The following TBC1D22A variants were observed in gnomAD, a reference collection of about 807,000 sequenced individuals.
TBC1D22A encodes TBC1 domain family member 22A, also known as putative GTPase activator.
In TBC1D22A, 38 loss-of-function variants were observed where a neutral mutation model predicts 60.2. The observed-to-expected ratio is 0.63, with a 90% confidence interval of 0.49 to 0.83. The LOEUF is 0.83. Ranked by LOEUF, TBC1D22A falls within the 40% of genes least tolerant of loss-of-function variation. The pLI, the probability that TBC1D22A is intolerant of heterozygous loss-of-function variation, is 0.00. For synonymous variants in TBC1D22A, 302 were observed against 281.7 expected, an observed-to-expected ratio of 1.07 and a Z score of -0.72; for missense variants, 628 against 701.0, an observed-to-expected ratio of 0.90 and a Z score of 1.18.
chr22:46,826,088 A>C (rs1401942972), intron 4 of TBC1D22A, among the ~76,000 whole-genome samples: 1 of 151,992 alleles, frequency 6.6e-6, no homozygotes, highest in Non-Finnish European at 1.5e-5. Flanking sequence ...TCACCGTGTT[A>C]GCCATGATGG....
chr22:46,905,335 T>G (rs1335320253), intron 7 of TBC1D22A, among the ~76,000 whole-genome samples: 1 of 152,180 alleles, frequency 6.6e-6, no homozygotes, highest in Non-Finnish European at 1.5e-5. Context: ...GAGGCCTCTG[T>G]CCTTTCTGAT....
In TBC1D22A at chr22:46,878,734, C is replaced by T. The variant is rs752210448; in HGVS notation, c.708+11C>T. The T allele has an allele frequency of 1.4e-5, 22 of 1,612,516 alleles. No individual in the cohort carries two copies. In the South Asian group the frequency reaches 1.4e-4, roughly 10 times the overall value. On this transcript the variant is annotated intron_variant, in intron 5 of 12. Transcript: ENST00000337137. ...TGGAAGCTCCTCTCAGTAAGTCCCA[C>T]CGCACCGCCCATCAGCGCCTCCTTC...
intron 12 of TBC1D22A, among the ~76,000 whole-genome samples, chr22:47,161,078 C>T (rs2147204728): frequency 6.6e-6 from 1 of 152,228 alleles, no homozygotes; most frequent in East Asian, 1.9e-4. Context: ...TCCCAGCTGG[C>T]CCTGGGGACA....
At chr22:46,861,166 C>T (rs1440302100) in intron 4 of TBC1D22A, among the ~76,000 whole-genome samples, 1 of 152,020 alleles carries the variant, frequency 6.6e-6, no homozygotes, top group African/African-American at 2.4e-5. Flanking sequence ...CCCTCTTGCC[C>T]AGGTTGGTCT....
chr22:47,052,202 T>C (rs1262370571), intron 11 of TBC1D22A, among the ~76,000 whole-genome samples: 1 of 152,218 alleles, frequency 6.6e-6, no homozygotes, highest in Non-Finnish European at 1.5e-5. Context: ...AACACGTATT[T>C]AGAGCAATTT....
At chr22:47,047,961 T>G (rs2148432394) in intron 11 of TBC1D22A, among the ~76,000 whole-genome samples, 1 of 152,310 alleles carries the variant, frequency 6.6e-6, no homozygotes, top group Non-Finnish European at 1.5e-5. Flanking sequence ...GGGCAGCCCC[T>G]CAGTCTTTCC....
intron 11 of TBC1D22A, among the ~76,000 whole-genome samples, chr22:47,076,385 A>ATATATATATG (rs2064226743): frequency 9.6e-6 from 1 of 103,816 alleles, no homozygotes; most frequent in South Asian, 3.4e-4. Context: ...ATATATACAC[A>ATATATATATG]CACACACACA....
At chr22:46,912,917 C>T (rs895611149) in intron 8 of TBC1D22A, among the ~76,000 whole-genome samples, 1 of 152,204 alleles carries the variant, frequency 6.6e-6, no homozygotes, top group African/African-American at 2.4e-5. Context: ...ATTTTGCTTA[C>T]AAGCTGAAAA....
intron 8 of TBC1D22A, among the ~76,000 whole-genome samples, chr22:46,918,912 C>T (rs146545102): frequency 1.5e-3 from 236 of 152,290 alleles, no homozygotes; most frequent in East Asian, 3.5e-3. Flanking sequence ...CTCCAGCAGT[C>T]ACCGTTCTCC....
chr22:47,161,917 G>A (rs765948387), intron 12 of TBC1D22A, among the ~76,000 whole-genome samples: 2 of 152,212 alleles, frequency 1.3e-5, no homozygotes, highest in African/African-American at 2.4e-5. Flanking sequence ...TGCATTTTTC[G>A]GGGTGGTAGC....
At chr22:47,056,174 C>T (rs1031006731) in intron 11 of TBC1D22A, among the ~76,000 whole-genome samples, 15 of 151,704 alleles carry the variant, frequency 9.9e-5, no homozygotes, top group African/African-American at 1.9e-4. Flanking sequence ...GGTGGTGGGC[C>T]GGGCCGGGCT....
intron 6 of TBC1D22A, among the ~76,000 whole-genome samples, chr22:46,892,999 G>T (rs893586593): frequency 3.9e-5 from 6 of 152,228 alleles, no homozygotes; most frequent in Non-Finnish European, 7.3e-5. Flanking sequence ...GCAGAGCTGG[G>T]CCCGGTGGGG....
chr22:46,919,628 G>A (rs549484641), intron 8 of TBC1D22A, among the ~76,000 whole-genome samples: 60 of 152,032 alleles, frequency 3.9e-4, no homozygotes, highest in Non-Finnish European at 6.5e-4. Flanking sequence ...CCCACGTGGC[G>A]GCACCATTTT....
intron 10 of TBC1D22A, among the ~76,000 whole-genome samples, chr22:46,998,531 C>T (rs1401383543): frequency 6.6e-6 from 1 of 152,270 alleles, no homozygotes; most frequent in Non-Finnish European, 1.5e-5. Flanking sequence ...GCCCTGGCCA[C>T]GTGCCTTGCA....
At chr22:46,818,843 G>C (rs554546445) in intron 4 of TBC1D22A, among the ~76,000 whole-genome samples, 3 of 152,208 alleles carry the variant, frequency 2.0e-5, no homozygotes, top group African/African-American at 7.2e-5. Context: ...CCATTTTTAC[G>C]ATGTTGATTC....
intron 4 of TBC1D22A, among the ~76,000 whole-genome samples, chr22:46,811,826 C>A (rs759410524): frequency 2.0e-5 from 3 of 152,124 alleles, no homozygotes; most frequent in Non-Finnish European, 4.4e-5. Context: ...AAGGTCTGGC[C>A]CGCCAGGTGA....
intron 11 of TBC1D22A, among the ~76,000 whole-genome samples, chr22:47,066,035 TAAAC>T (rs1468074503): frequency 6.6e-6 from 1 of 152,188 alleles, no homozygotes; most frequent in Non-Finnish European, 1.5e-5. Context: ...AGACTTGTAT[TAAAC>T]AAGCTGGTGG....
chr22:46,777,675 T>TGG lies in TBC1D22A; in HGVS notation c.62+14828_62+14829insGG, dbSNP rs2146767439. Among the ~76,000 whole-genome samples, 1 of 152,024 alleles carries TGG rather than the reference T, an allele frequency of 6.6e-6. No homozygotes were observed. The highest frequency in any genetic ancestry group is 6.5e-5 in the Admixed American group (1 of 15,286). On this transcript the variant is annotated intron_variant, in intron 1 of 12. Transcript: ENST00000337137. This position sits in a 1 kb window ranked among gnomAD's most constrained non-coding sequence, Gnocchi z 4.5. ...GGGAGCAAGAAGAAAGAGCTCAGTG[T>TGG]GATGAGTCCTGAGGGGAAGCTGGGC...
At chr22:46,899,683 C>T (rs1329976830) in intron 7 of TBC1D22A, among the ~76,000 whole-genome samples, 1 of 152,160 alleles carries the variant, frequency 6.6e-6, no homozygotes, top group African/African-American at 2.4e-5. Context: ...GCTGGCCTAG[C>T]ACTCTTTATC....
Sources: gnomAD v4.1 joint callset for allele counts (sites outside exome capture counted in the v4.1 genomes callset) on GRCh38, gnomAD v4.1.1 for gene constraint, Gnocchi (gnomAD v3.1) non-coding constraint, MANE v1.5 for transcripts, NCBI Gene and HGNC (gene_info 2026-07-23, HGNC 2026-07-21) for gene names.